Variants in MSI1 observed in about 807,000 individuals in gnomAD.
MSI1 encodes RNA-binding protein Musashi homolog 1.
MSI1 carries 15 observed loss-of-function variants against 54.4 expected under a neutral mutation model. The ratio of observed to expected loss-of-function variants is 0.28; its 90% CI spans 0.18 to 0.42. MSI1 has a LOEUF of 0.42. Among genes scored for constraint, MSI1 ranks in the 20% least tolerant of loss-of-function variants. The pLI is 1.00. For synonymous variants in MSI1, 200 were observed against 196.5 expected (o/e 1.02, Z -0.15); for missense variants, 304 against 506.0 (o/e 0.60, Z 3.83).
At chr12:120,357,095 T>C in intron 8 of MSI1, 76 bp from the exon 9 acceptor site, 14 of 1,210,684 alleles carry the variant, frequency 1.2e-5, no homozygotes, top group South Asian at 3.7e-5. Context: ...GAAAGCCCCT[T>C]TATTAATTTT....
chr12:120,345,093 T>C (rs1874000417), intron 14 of MSI1, among the ~76,000 whole-genome samples: 1 of 152,066 alleles, frequency 6.6e-6, no homozygotes, highest in Non-Finnish European at 1.5e-5. Context: ...GGCTCACACC[T>C]GTAATCCCAG....
chr12:120,349,518 G>A (rs1488481883), intron 11 of MSI1, among the ~76,000 whole-genome samples: 3 of 152,132 alleles, frequency 2.0e-5, no homozygotes, highest in Non-Finnish European at 4.4e-5. Flanking sequence ...ACAGGCATGA[G>A]CCACCACCCC....
chr12:120,354,592 C>T (rs1874918612), intron 9 of MSI1, among the ~76,000 whole-genome samples: 1 of 152,182 alleles, frequency 6.6e-6, no homozygotes, highest in East Asian at 1.9e-4. Context: ...CCACTACCCC[C>T]AGCTAATTTT....
intron 11 of MSI1, among the ~76,000 whole-genome samples, chr12:120,348,844 G>T (rs1874363474): frequency 6.6e-6 from 1 of 152,044 alleles, no homozygotes; most frequent in South Asian, 2.1e-4. Context: ...GGTGAGCCAA[G>T]ACCGCGCCAT....
Position 120,368,597 on chromosome 12 carries a change from G to T in MSI1, c.100+236C>A, listed in dbSNP as rs1876180264. Among the ~76,000 whole-genome samples the T allele has an allele frequency of 6.6e-6, 1 of 152,042 alleles. No individual in the cohort carries two copies. The highest frequency in any genetic ancestry group is 1.5e-5 in the Non-Finnish European group (1 of 67,912). Reference sequence around the variant, plus strand: ...GGCGCTGCCGCCGGCGGGTCCCGGGGGCCCAGCCCACCCCCCGATACCCCC... The same window carrying T: ...GGCGCTGCCGCCGGCGGGTCCCGGGTGCCCAGCCCACCCCCCGATACCCCC... On this transcript the variant is annotated intron_variant, in intron 2 of 14. Coordinates refer to ENST00000257552, the MANE Select transcript of MSI1 (RefSeq NM_002442.4). This position sits in a 1 kb window ranked among gnomAD's most constrained non-coding sequence, Gnocchi z 6.6.
intron 5 of MSI1, among the ~76,000 whole-genome samples, chr12:120,363,456 T>A (rs1875818831): frequency 6.6e-6 from 1 of 152,000 alleles, no homozygotes; most frequent in South Asian, 2.1e-4. Context: ...AGCCTAACAC[T>A]AAGACCTCAC....
intron 6 of MSI1, chr12:120,361,509 G>C (rs1484206268): frequency 1.3e-5 from 2 of 152,166 alleles, no homozygotes; most frequent in South Asian, 2.1e-4. Context: ...CCTGGGGCGA[G>C]CTGAGGGGAG....
chr12:120,354,317 C>T (rs1383533266), intron 9 of MSI1, among the ~76,000 whole-genome samples: 1 of 152,168 alleles, frequency 6.6e-6, no homozygotes, highest in Non-Finnish European at 1.5e-5. Context: ...TTTCTGTCTT[C>T]TCAAAGAAAA....
intron 5 of MSI1, among the ~76,000 whole-genome samples, chr12:120,363,815 A>G (rs985561337): frequency 6.6e-6 from 1 of 152,068 alleles, no homozygotes; most frequent in African/African-American, 2.4e-5. Flanking sequence ...CTGTCTCCCA[A>G]AACTCTTCCT....
chr12:120,367,563 G>T (rs1018550457), intron 4 of MSI1, among the ~76,000 whole-genome samples: 1 of 151,744 alleles, frequency 6.6e-6, no homozygotes, highest in East Asian at 1.9e-4. Flanking sequence ...GAGGGAGGGG[G>T]CTTCAAGGGA....
chr12:120,367,934 G>A, intron 4 of MSI1, 74 bp downstream of exon 4: 2 of 1,440,732 alleles, frequency 1.4e-6, no homozygotes, highest in Non-Finnish European at 1.9e-6. Flanking sequence ...GCTGTCCCCT[G>A]GGGAGAGTCC....
In MSI1 at chr12:120,360,824, C is replaced by CT. The variant is rs5801379; in HGVS notation, c.403-1772dup. 1.8e-3 allele frequency among the ~76,000 whole-genome samples: 260 copies of CT among 146,190 alleles called. 4 individuals carry two copies. The East Asian group carries it at 0.022, about 13-fold the overall frequency. The stretch of plus-strand genomic sequence containing the variant: ...CAGGTTGAAGTTAAATGAAAGACAC[C>CT]TTTTTTTTTTTTTGGAAAAGGGTTC... On this transcript the variant is annotated intron_variant, in intron 6 of 14. Transcript: ENST00000257552.
chr12:120,345,902 C>T (rs1041279744), intron 13 of MSI1, among the ~76,000 whole-genome samples: 2 of 152,162 alleles, frequency 1.3e-5, no homozygotes, highest in Non-Finnish European at 2.9e-5. Context: ...AGCAGAGATG[C>T]CATGTGTCTC....
chr12:120,359,654 A>C (rs931461125), intron 6 of MSI1, among the ~76,000 whole-genome samples: 1 of 152,092 alleles, frequency 6.6e-6, no homozygotes, highest in Non-Finnish European at 1.5e-5. Context: ...GAGGATCTAC[A>C]TCATCCATCC....
intron 4 of MSI1, among the ~76,000 whole-genome samples, chr12:120,366,867 C>G (rs1876050155): frequency 1.3e-5 from 2 of 152,150 alleles, no homozygotes; most frequent in South Asian, 2.1e-4. Context: ...GCTTCCTCAG[C>G]ACTGCAGAAG....
rs1235338428 is a variant in MSI1 at position 120,368,206 on chromosome 12, C to T, written c.168G>A (p.Leu56=). The change falls in exon 3 of 15, where the codon CTG becomes CTA. Residue 56 remains leucine, a synonymous_variant. Transcript: ENST00000257552. The surrounding 1 kb of genome is among the most constrained non-coding windows in gnomAD (Gnocchi z 6.6). The part of the protein sequence containing the change: ...VKECLVMRDP[L]TKRSRGFGFV... ...GAGGGGCTCACCTGGATCTCTTGGT[C>T]AGGGGGTCCCGCATCACCAGACACT... is the stretch of plus-strand genomic sequence containing the variant. 6 of 1,586,074 alleles carry T rather than the reference C, an allele frequency of 3.8e-6. No individual in the cohort carries two copies. In the South Asian group the frequency reaches 6.9e-5, roughly 18 times the overall value.
chr12:120,349,406 G>T (rs1280630247), intron 11 of MSI1, among the ~76,000 whole-genome samples: 1 of 151,330 alleles, frequency 6.6e-6, no homozygotes, highest in Non-Finnish European at 1.5e-5. Flanking sequence ...GCTAATTTTT[G>T]TATTTTTAAT....
At position 120,352,889 on chromosome 12, in the gene MSI1, T is replaced by A. The variant is rs185106632; in HGVS notation, c.733+410A>T. ...TTTAGGGTCTCAGCATAATACCTTG[T>A]CTGGACTTGAAAGAGCTCAGCCTAG... is the stretch of plus-strand genomic sequence containing the variant. On this transcript the variant is annotated intron_variant, in intron 10 of 14. Transcript: ENST00000257552. Among the ~76,000 whole-genome samples, 13 of 152,290 alleles carry A rather than the reference T, an allele frequency of 8.5e-5. 1 individual carries two copies. The East Asian group carries it at 2.5e-3, about 29-fold the overall frequency.
chr12:120,346,537 G>A (rs1181486134), intron 12 of MSI1, among the ~76,000 whole-genome samples: 1 of 151,480 alleles, frequency 6.6e-6, no homozygotes, highest in Non-Finnish European at 1.5e-5. Context: ...CTCACCTCCT[G>A]AGCCCCTTCC....
Sources: allele counts gnomAD v4.1 joint callset (sites outside exome capture counted in the v4.1 genomes callset), GRCh38; gene constraint gnomAD v4.1.1; non-coding constraint Gnocchi (gnomAD v3.1); transcripts MANE v1.5; gene names NCBI Gene and HGNC (gene_info 2026-07-23, HGNC 2026-07-21).